MDGA2: variants seen among roughly 807,000 people sequenced by gnomAD.
MDGA2 encodes the protein MAM domain containing glycosylphosphatidylinositol anchor 2.
Under a neutral mutation model 117.8 loss-of-function variants are expected in MDGA2, and 40 were observed. The ratio of observed to expected loss-of-function variants is 0.34; its 90% CI spans 0.26 to 0.44. MDGA2 has a LOEUF of 0.44. Among genes scored for constraint, MDGA2 ranks in the 20% least tolerant of loss-of-function variants. The pLI is 1.00. For synonymous variants in MDGA2, 452 were observed against 439.0 expected, an observed-to-expected ratio of 1.03 and a Z score of -0.37; for missense variants, 1,123 against 1,250.6, an observed-to-expected ratio of 0.90 and a Z score of 1.54.
rs114637516 is a variant in MDGA2, at chr14:47,617,103, T to C, written c.280+57414A>G. Among the ~76,000 whole-genome samples, 389 of 152,284 alleles carry C rather than the reference T, an allele frequency of 2.6e-3. 1 individual carries two copies. The highest frequency in any genetic ancestry group is 8.9e-3 in the African/African-American group (370 of 41,552). ...AAAGAACTTTAAGGGATTCAACTCA[T>C]ATGCCTACAAAAGATCTAACAGTCT... On this transcript the variant is annotated intron_variant, in intron 1 of 16. Coordinates refer to ENST00000399232, the MANE Select transcript of MDGA2 (RefSeq NM_001113498.3).
intron 9 of MDGA2, among the ~76,000 whole-genome samples, chr14:46,932,010 A>G (rs1884597860): frequency 6.6e-6 from 1 of 152,156 alleles, no homozygotes. Flanking sequence ...ATGTGTGTGT[A>G]CATAACCCAT....
intron 1 of MDGA2, among the ~76,000 whole-genome samples, chr14:47,426,780 G>T (rs1892700720): frequency 7.4e-6 from 1 of 134,240 alleles, no homozygotes; most frequent in Non-Finnish European, 1.6e-5. Flanking sequence ...AATTGTATTT[G>T]ATATAAAGAC....
chr14:47,674,386 T>C, intron 1 of MDGA2, 131 bp downstream of exon 1: 1 of 756,612 alleles, frequency 1.3e-6, no homozygotes. Flanking sequence ...TCGCTCCCAA[T>C]AACGTGATGA....
intron 1 of MDGA2, among the ~76,000 whole-genome samples, chr14:47,623,289 G>A (rs889727718): frequency 1.3e-5 from 2 of 152,122 alleles, no homozygotes; most frequent in African/African-American, 4.8e-5. Flanking sequence ...AAAACTGTGA[G>A]ACATAAATTT....
chr14:47,519,727 T>A lies in MDGA2; in HGVS notation c.280+154790A>T, dbSNP rs960093972. 5.9e-5 allele frequency among the ~76,000 whole-genome samples: 9 copies of A among 152,258 alleles called. No individual in the cohort carries two copies. The Middle Eastern group carries it at 0.01, about 173-fold the overall frequency. On this transcript the variant is annotated intron_variant, in intron 1 of 16. Transcript: ENST00000399232. The stretch of plus-strand genomic sequence containing the variant: ...GTCATCTTTTCATTTGGAAAAAAAA[T>A]TATGAGTTTACACCATATATGGGCA...
intron 9 of MDGA2, among the ~76,000 whole-genome samples, chr14:46,939,109 TG>T (rs576572964): frequency 2.6e-5 from 4 of 152,038 alleles, no homozygotes; most frequent in Admixed American, 1.3e-4. Context: ...CAGAGCCTGG[TG>T]GGGGGGTAGT....
chr14:46,881,924 G>T, intron 11 of MDGA2, 120 bp downstream of exon 11: 2 of 549,314 alleles, frequency 3.6e-6, no homozygotes, highest in Non-Finnish European at 5.8e-6. Flanking sequence ...ACTGGCTAAT[G>T]ATCCAGAAAG....
intron 1 of MDGA2, among the ~76,000 whole-genome samples, chr14:47,347,424 A>C (rs1890784799): frequency 6.6e-6 from 1 of 152,182 alleles, no homozygotes; most frequent in Non-Finnish European, 1.5e-5. Context: ...AGAATTTTAA[A>C]AACGTGGCAT....
At chr14:47,586,825 A>G (rs1028867568) in intron 1 of MDGA2, among the ~76,000 whole-genome samples, 1 of 151,680 alleles carries the variant, frequency 6.6e-6, no homozygotes, top group Admixed American at 6.6e-5. Context: ...AAAATCATCT[A>G]TAAGTGGTCT....
At chr14:47,118,742 T>A (rs12436367) in intron 5 of MDGA2, among the ~76,000 whole-genome samples, 39,864 of 151,798 alleles carry the variant, frequency 0.26, 5,616 homozygotes, top group Admixed American at 0.32. Flanking sequence ...AACAACAACA[T>A]CAACAACAAA....
intron 1 of MDGA2, among the ~76,000 whole-genome samples, chr14:47,520,612 CACAGA>C (rs1191697111): frequency 6.6e-6 from 1 of 152,080 alleles, no homozygotes; most frequent in African/African-American, 2.4e-5. Flanking sequence ...AGATACAGAA[CACAGA>C]ACAGGAGAAA....
chr14:47,367,052 A>G (rs139574176), intron 1 of MDGA2, among the ~76,000 whole-genome samples: 1 of 152,280 alleles, frequency 6.6e-6, no homozygotes, highest in African/African-American at 2.4e-5. Context: ...AAAGACTGAC[A>G]GTAGTGAATA....
chr14:47,411,239 G>T (rs1464794094), intron 1 of MDGA2, among the ~76,000 whole-genome samples: 2 of 151,808 alleles, frequency 1.3e-5, no homozygotes, highest in African/African-American at 4.8e-5. Context: ...TTTCTATCCA[G>T]TGTGAAGGGG....
intron 5 of MDGA2, among the ~76,000 whole-genome samples, chr14:47,129,366 T>A (rs1367954787): frequency 6.6e-6 from 1 of 152,054 alleles, no homozygotes; most frequent in Non-Finnish European, 1.5e-5. Context: ...CTTGCGATAG[T>A]TTACTGAGAA....
chr14:47,142,183 C>A (rs1303158545), intron 4 of MDGA2, among the ~76,000 whole-genome samples: 1 of 152,144 alleles, frequency 6.6e-6, no homozygotes, highest in Non-Finnish European at 1.5e-5. Context: ...GTGGCTCACA[C>A]CTGTAATCCC....
intron 5 of MDGA2, among the ~76,000 whole-genome samples, chr14:47,116,185 A>G (rs1881320306): frequency 6.6e-6 from 1 of 152,086 alleles, no homozygotes; most frequent in South Asian, 2.1e-4. Context: ...AAAATTAAAT[A>G]CCTGGGAATA....
intron 2 of MDGA2, among the ~76,000 whole-genome samples, chr14:47,239,489 T>C (rs147541762): frequency 6.6e-6 from 1 of 151,872 alleles, no homozygotes; most frequent in East Asian, 1.9e-4. Context: ...TATGCTTTGA[T>C]CAATTTGATG....
chr14:47,296,751 A>G (rs1410082768), intron 2 of MDGA2, among the ~76,000 whole-genome samples: 1 of 152,256 alleles, frequency 6.6e-6, no homozygotes, highest in East Asian at 1.9e-4. Flanking sequence ...AGATGTACAT[A>G]CAGGCAACAC....
At chr14:47,248,823 A>T (rs930678705) in intron 2 of MDGA2, among the ~76,000 whole-genome samples, 1 of 152,156 alleles carries the variant, frequency 6.6e-6, no homozygotes, top group African/African-American at 2.4e-5. Flanking sequence ...ATTTGAAAAA[A>T]AATTCAATTA....
Sources: gnomAD v4.1 joint callset for allele counts (sites outside exome capture counted in the v4.1 genomes callset) on GRCh38, gnomAD v4.1.1 for gene constraint, MANE v1.5 for transcripts, NCBI Gene and HGNC (gene_info 2026-07-23, HGNC 2026-07-21) for gene names.